Variants in MGAT5 observed in about 807,000 individuals in gnomAD.
MGAT5 encodes alpha-1,6-mannosylglycoprotein 6-beta-N-acetylglucosaminyltransferase A.
In MGAT5, 30 loss-of-function variants were observed where a neutral mutation model predicts 94.3. The observed-to-expected ratio is 0.32, with a 90% CI of 0.24 to 0.43. The LOEUF (loss-of-function observed/expected upper bound fraction) is 0.43, where lower values mean the gene tolerates loss of function less well. Ranked by LOEUF, MGAT5 falls within the 20% of genes least tolerant of loss-of-function variation. MGAT5 has a pLI of 1.00. For missense variants in MGAT5, 691 were observed against 905.5 expected (o/e 0.76, Z 3.04); for synonymous variants, 310 against 322.9 (o/e 0.96, Z 0.43).
At chr2:134,122,168 G>A (rs990929015) in intron 1 of MGAT5, among the ~76,000 whole-genome samples, 5 of 151,642 alleles carry the variant, frequency 3.3e-5, no homozygotes, top group African/African-American at 9.7e-5. Context: ...GCAATGGTGC[G>A]ATCTCGGCTC....
At chr2:134,179,549 G>A (rs1267500652) in intron 1 of MGAT5, among the ~76,000 whole-genome samples, 2 of 152,196 alleles carry the variant, frequency 1.3e-5, no homozygotes, top group African/African-American at 4.8e-5. Context: ...TCTGGGCACT[G>A]CAAGTTGGCT....
intron 1 of MGAT5, among the ~76,000 whole-genome samples, chr2:134,130,156 C>T (rs1302022807): frequency 6.6e-6 from 1 of 151,702 alleles, no homozygotes; most frequent in African/African-American, 2.4e-5. Context: ...CAGCCATCTT[C>T]CCGCGGGGCA....
intron 1 of MGAT5, among the ~76,000 whole-genome samples, chr2:134,177,353 G>A (rs373277515): frequency 1.3e-5 from 2 of 152,120 alleles, no homozygotes; most frequent in African/African-American, 4.8e-5. Context: ...TGTCATTCCA[G>A]CCCACAGGCC....
intron 1 of MGAT5, among the ~76,000 whole-genome samples, chr2:134,135,170 G>A (rs2104929932): frequency 6.6e-6 from 1 of 152,166 alleles, no homozygotes; most frequent in South Asian, 2.1e-4. Context: ...TGTCTTTTCT[G>A]TCAATCTTAG....
chr2:134,167,473 T>G (rs1361843276), intron 1 of MGAT5, among the ~76,000 whole-genome samples: 1 of 152,160 alleles, frequency 6.6e-6, no homozygotes, highest in Non-Finnish European at 1.5e-5. Context: ...TCCCAGAGTT[T>G]CCGATTGAGT....
At chr2:134,290,106 G>A (rs1425655898) in intron 2 of MGAT5, among the ~76,000 whole-genome samples, 1 of 152,158 alleles carries the variant, frequency 6.6e-6, no homozygotes, top group African/African-American at 2.4e-5. Context: ...AGGTCATGCA[G>A]ATTCAAGGCA....
chr2:134,207,417 G>A (rs77449447), intron 1 of MGAT5, among the ~76,000 whole-genome samples: 2,131 of 152,144 alleles, frequency 0.014, 48 homozygotes, highest in African/African-American at 0.049. Flanking sequence ...TGAATAGTTA[G>A]GTCTTTCTCT....
rs1688358429 is a variant in MGAT5, at chr2:134,174,358, A to G, written c.-143+54067A>G. Among the ~76,000 whole-genome samples the G allele has an allele frequency of 3.3e-5, 5 of 152,268 alleles. No individual in the cohort carries two copies. In the South Asian group the frequency reaches 1.0e-3, roughly 31 times the overall value. On this transcript the variant is annotated intron_variant, in intron 1 of 16. Coordinates refer to the MGAT5 transcript ENST00000409645. Reference sequence around the variant, plus strand: ...AAAGTAGAGAAAGGGCAGAATTGGAATGGATTTAGTTACTGTGGGTCTGTC... The same window carrying G: ...AAAGTAGAGAAAGGGCAGAATTGGAGTGGATTTAGTTACTGTGGGTCTGTC...
At chr2:134,168,282 G>A (rs865850034) in intron 1 of MGAT5, among the ~76,000 whole-genome samples, 13 of 152,156 alleles carry the variant, frequency 8.5e-5, no homozygotes, top group South Asian at 4.1e-4. Context: ...AAGATGGGGG[G>A]TTGGAGATCA....
chr2:134,429,530 A>T (rs1684771310), intron 14 of MGAT5, among the ~76,000 whole-genome samples: 1 of 152,190 alleles, frequency 6.6e-6, no homozygotes, highest in Non-Finnish European at 1.5e-5. Context: ...TAAAATAAGG[A>T]TGATGCTAAT....
At position 134,144,902 on chromosome 2, in the gene MGAT5, A is replaced by G. The variant is rs1280702480; in HGVS notation, c.-143+24611A>G. Among the ~76,000 whole-genome samples the G allele has an allele frequency of 5.3e-5, 8 of 152,310 alleles. No homozygotes were observed. The East Asian group carries it at 1.5e-3, about 29-fold the overall frequency. On this transcript the variant is annotated intron_variant, in intron 1 of 16. Transcript: ENST00000409645. Reference sequence around the variant, plus strand: ...AACAGATGCCCTGTGTTCTGACCAAACAAGGGGTCTCCTCCAATACGGACA... The same window carrying G: ...AACAGATGCCCTGTGTTCTGACCAAGCAAGGGGTCTCCTCCAATACGGACA...
At position 134,296,015 on chromosome 2, in the gene MGAT5, T is replaced by C. The variant is rs558895365; in HGVS notation, c.407-21514T>C. On this transcript the variant is annotated intron_variant, in intron 2 of 15. Transcript: ENST00000281923. ...GAAGAGGATTTCATCTAGGAGTGTT[T>C]GGCAGCCTCATGCAAACATGTTTGT... Among the ~76,000 whole-genome samples the C allele has an allele frequency of 2.6e-5, 4 of 152,304 alleles. No individual in the cohort carries two copies. The South Asian group carries it at 6.2e-4, about 24-fold the overall frequency.
intron 10 of MGAT5, among the ~76,000 whole-genome samples, chr2:134,392,857 G>A (rs1402832009): frequency 6.6e-6 from 1 of 151,502 alleles, no homozygotes; most frequent in African/African-American, 2.4e-5. Context: ...CCAGAAGGGG[G>A]CACCCCTGGG....
intron 1 of MGAT5, among the ~76,000 whole-genome samples, chr2:134,231,951 T>C (rs1015425024): frequency 5.3e-5 from 8 of 152,184 alleles, no homozygotes; most frequent in African/African-American, 1.9e-4. Context: ...TATGATATAG[T>C]ACTATTGCTC....
intron 5 of MGAT5, among the ~76,000 whole-genome samples, chr2:134,337,308 C>T (rs985110622): frequency 3.3e-5 from 5 of 152,304 alleles, no homozygotes; most frequent in African/African-American, 1.2e-4. Context: ...GACCCCATCA[C>T]TACAAAAAAT....
intron 1 of MGAT5, among the ~76,000 whole-genome samples, chr2:134,171,481 C>T (rs567613254): frequency 5.6e-4 from 86 of 152,240 alleles, no homozygotes; most frequent in African/African-American, 2.0e-3. Flanking sequence ...ACCTTACTCC[C>T]GCTGAACTAA....
intron 1 of MGAT5, among the ~76,000 whole-genome samples, chr2:134,180,924 A>G (rs751627789): frequency 1.3e-5 from 2 of 152,248 alleles, no homozygotes; most frequent in Non-Finnish European, 2.9e-5. Context: ...CAAAGGGAAG[A>G]TAATTTGAAA....
intron 10 of MGAT5, among the ~76,000 whole-genome samples, chr2:134,374,260 G>A (rs1406084815): frequency 6.6e-6 from 1 of 152,126 alleles, no homozygotes; most frequent in Non-Finnish European, 1.5e-5. Flanking sequence ...GTGTTAGTAT[G>A]GATTTGCACC....
intron 1 of MGAT5, among the ~76,000 whole-genome samples, chr2:134,193,052 A>T (rs1170146844): frequency 1.3e-5 from 2 of 152,068 alleles, no homozygotes; most frequent in African/African-American, 4.8e-5. Context: ...TTAGAAAAAA[A>T]CAGTAATTTC....
Sources: gnomAD v4.1 joint callset for allele counts (sites outside exome capture counted in the v4.1 genomes callset) on GRCh38, gnomAD v4.1.1 for gene constraint, MANE v1.5 for transcripts, NCBI Gene and HGNC (gene_info 2026-07-23, HGNC 2026-07-21) for gene names.